DOCK3: variants seen among roughly 807,000 people sequenced by gnomAD.
DOCK3 encodes dedicator of cytokinesis 3.
In DOCK3, 60 loss-of-function variants were observed where a neutral mutation model predicts 265.6. That is an observed-to-expected ratio of 0.23 (90% CI 0.18 to 0.28). The LOEUF (loss-of-function observed/expected upper bound fraction) is 0.28, where lower values mean the gene tolerates loss of function less well. Ranked by LOEUF, DOCK3 falls within the 10% of genes least tolerant of loss-of-function variation. DOCK3 has a pLI of 1.00. For synonymous variants in DOCK3, 881 were observed against 938.0 expected (o/e 0.94, Z 1.11); for missense variants, 1,981 against 2,594.3 (o/e 0.76, Z 5.14).
intron 12 of DOCK3, among the ~76,000 whole-genome samples, chr3:51,201,614 A>G (rs2088779992): frequency 6.6e-6 from 1 of 152,078 alleles, no homozygotes; most frequent in Non-Finnish European, 1.5e-5. Context: ...ACAGATCAAC[A>G]AGACAGAAAG....
chr3:50,959,108 C>T (rs377416027), intron 5 of DOCK3, among the ~76,000 whole-genome samples: 5 of 152,236 alleles, frequency 3.3e-5, no homozygotes, highest in Non-Finnish European at 5.9e-5. Context: ...CTGCTGTTTC[C>T]GTAGATTTAC....
chr3:51,172,326 C>T (rs902806311), intron 12 of DOCK3, among the ~76,000 whole-genome samples: 2 of 152,144 alleles, frequency 1.3e-5, no homozygotes, highest in African/African-American at 4.8e-5. Context: ...CAGGCATGGG[C>T]CACCATGCCT....
rs565810143 is a variant in DOCK3, at chr3:50,678,571, A to G, written c.37+3271A>G. 3.3e-5 allele frequency among the ~76,000 whole-genome samples: 5 copies of G among 152,310 alleles called. No individual in the cohort carries two copies. The East Asian group carries it at 5.8e-4, about 18-fold the overall frequency. On this transcript the variant is annotated intron_variant, in intron 1 of 52. Transcript: ENST00000266037. The stretch of plus-strand genomic sequence containing the variant: ...GTGGTAAAGGTTTGAGTACATAGGT[A>G]TTAGTTTGACGTCTTAGAAGTGGAA...
chr3:50,760,014 A>G (rs2040426837), intron 1 of DOCK3, among the ~76,000 whole-genome samples: 1 of 151,516 alleles, frequency 6.6e-6, no homozygotes, highest in South Asian at 2.1e-4. Flanking sequence ...TTAAATTTTG[A>G]TGAAGGCGGA....
chr3:50,826,035 T>C (rs1475606400), intron 2 of DOCK3, among the ~76,000 whole-genome samples: 1 of 151,822 alleles, frequency 6.6e-6, no homozygotes, highest in Non-Finnish European at 1.5e-5. Context: ...CAAGCAGTGG[T>C]CTTTGTTCTG....
chr3:51,246,747 G>A lies in DOCK3; in HGVS notation c.2124G>A (p.Lys708=). Residue 708 remains lysine (K), a synonymous_variant, in exon 22 of 53, where the codon AAG becomes AAA. Transcript: ENST00000266037. ...LAYKELIRCL[K]WYMDCSAELI... ...CCAGGGAGCTCATCCGCTGTTTGAA[G>A]TGGTATATGGACTGCTCAGCAGAAC... is the stretch of plus-strand genomic sequence containing the variant. The A allele has an allele frequency of 3.1e-6, 5 of 1,613,412 alleles. No homozygotes were observed. The highest frequency in any genetic ancestry group is 3.4e-6 in the Non-Finnish European group (4 of 1,179,640).
At chr3:50,846,740 G>T (rs566578339) in intron 3 of DOCK3, among the ~76,000 whole-genome samples, 2 of 152,126 alleles carry the variant, frequency 1.3e-5, no homozygotes, top group Admixed American at 6.6e-5. Flanking sequence ...TTGGGATCTT[G>T]TGTGTTTTCA....
chr3:51,220,978 G>A (rs1197655783), intron 14 of DOCK3, among the ~76,000 whole-genome samples: 1 of 151,922 alleles, frequency 6.6e-6, no homozygotes. Context: ...TGGTGCCTGA[G>A]CTGGACTTCA....
chr3:51,122,840 A>T (rs2084090717), intron 9 of DOCK3, among the ~76,000 whole-genome samples: 1 of 152,220 alleles, frequency 6.6e-6, no homozygotes, highest in Non-Finnish European at 1.5e-5. Flanking sequence ...GAGGACATAG[A>T]GATAGATTAG....
chr3:51,292,359 T>G (rs1474014584), intron 27 of DOCK3, among the ~76,000 whole-genome samples: 1 of 152,066 alleles, frequency 6.6e-6, no homozygotes, highest in Non-Finnish European at 1.5e-5. Context: ...TATAGAAAAT[T>G]TCAAAGACTC....
Position 51,362,672 on chromosome 3 carries a change from G to T in DOCK3, c.5291G>T (p.Arg1764Leu), listed in dbSNP as rs375984390. Residue 1764 changes from arginine (R) to leucine (L), a missense_variant and splice_region_variant, in exon 49 of 53, where the codon CGA becomes CTA. Transcript: ENST00000266037. Reference sequence around the variant, plus strand: ...ATTACCTCTGCCCCTTCCAGTGCCCGAGGTAAGGATGGCAGGGTGCTACTT... The same window carrying T: ...ATTACCTCTGCCCCTTCCAGTGCCCTAGGTAAGGATGGCAGGGTGCTACTT... ...QMITSAPSSA[R>L]GSPSLPDKYR... 1.0e-4 allele frequency: 163 copies of T among 1,612,782 alleles called. No homozygotes were observed. The highest frequency in any genetic ancestry group is 1.3e-4 in the Non-Finnish European group (148 of 1,179,492).
chr3:50,719,854 C>A (rs2037363906), intron 1 of DOCK3: 2 of 714,020 alleles, frequency 2.8e-6, no homozygotes, highest in Non-Finnish European at 5.2e-6. Context: ...GCATTCTTTC[C>A]AGTGCTCAGA....
At chr3:51,285,384 G>A (rs1355770227) in intron 27 of DOCK3, among the ~76,000 whole-genome samples, 2 of 151,870 alleles carry the variant, frequency 1.3e-5, no homozygotes, top group African/African-American at 4.8e-5. Context: ...ATCCAACAAG[G>A]AATTCAAAAT....
chr3:51,188,365 G>A (rs909911276), intron 12 of DOCK3, among the ~76,000 whole-genome samples: 3 of 152,122 alleles, frequency 2.0e-5, no homozygotes, highest in Non-Finnish European at 2.9e-5. Context: ...TTAAGATGAT[G>A]TAGGTTTTAT....
chr3:51,271,722 G>C (rs893244607), intron 24 of DOCK3, among the ~76,000 whole-genome samples: 1 of 152,098 alleles, frequency 6.6e-6, no homozygotes, highest in African/African-American at 2.4e-5. Context: ...ATGGTGGCAG[G>C]CACCTGTAAT....
intron 21 of DOCK3, among the ~76,000 whole-genome samples, chr3:51,243,351 A>G (rs1017803578): frequency 4.0e-5 from 6 of 151,876 alleles, no homozygotes; most frequent in Non-Finnish European, 8.8e-5. Context: ...TCCAGAGGCC[A>G]TTAGTAAGAG....
intron 5 of DOCK3, among the ~76,000 whole-genome samples, chr3:50,959,571 AAATTT>A (rs2076829546): frequency 1.4e-5 from 2 of 144,428 alleles, no homozygotes; most frequent in Admixed American, 1.4e-4. Flanking sequence ...TATATATATA[AAATTT>A]ATTTATTTAT....
Position 51,270,994 on chromosome 3 carries a change from G to C in DOCK3, c.2535G>C (p.Leu845=), listed in dbSNP as rs201009786. The part of the protein sequence containing the change: ...QSIARTVDSR[L]FSFSESRRIL... ...TTGCCAGGACAGTGGATAGCCGCCT[G>C]TTTTCTTTCTCAGGTAAATCAAGTT... is the stretch of plus-strand genomic sequence containing the variant. The change falls in exon 24 of 53, where the codon CTG becomes CTC. Residue 845 remains leucine (L), a synonymous_variant. Coordinates refer to ENST00000266037, the MANE Select transcript of DOCK3 (RefSeq NM_004947.5). 1.2e-6 allele frequency: 2 copies of C among 1,612,414 alleles called. No individual in the cohort carries two copies. The highest frequency in any genetic ancestry group is 2.7e-5 in the African/African-American group (2 of 75,002).
At chr3:50,787,125 T>G (rs2042225920) in intron 2 of DOCK3, 1 of 694,570 alleles carries the variant, frequency 1.4e-6, no homozygotes, top group East Asian at 2.7e-5. Context: ...AAACTAAATG[T>G]TTTTTTCACA....
Sources: allele counts gnomAD v4.1 joint callset (sites outside exome capture counted in the v4.1 genomes callset), GRCh38; gene constraint gnomAD v4.1.1; transcripts MANE v1.5; gene names NCBI Gene and HGNC (gene_info 2026-07-23, HGNC 2026-07-21).